GAPVD1: variants seen among roughly 807,000 people sequenced by gnomAD.
GAPVD1 encodes GTPase-activating protein and VPS9 domain-containing protein 1.
GAPVD1 carries 35 observed loss-of-function variants against 155.5 expected under a neutral mutation model. The ratio of observed to expected loss-of-function variants is 0.23; its 90% confidence interval spans 0.17 to 0.30. The LOEUF (loss-of-function observed/expected upper bound fraction) is 0.30. Among genes scored for constraint, GAPVD1 ranks in the 10% least tolerant of loss-of-function variants. The pLI, the probability that GAPVD1 is intolerant of heterozygous loss-of-function variation, is 1.00. For synonymous variants in GAPVD1, 636 were observed against 619.7 expected, an observed-to-expected ratio of 1.03 and a Z score of -0.39; for missense variants, 1,429 against 1,775.7, an observed-to-expected ratio of 0.80 and a Z score of 3.51.
Position 125,321,556 on chromosome 9 carries a change from T to G in GAPVD1, c.1726T>G (p.Ser576Ala). The change falls in exon 10 of 28, where the codon TCT becomes GCT. Residue 576 changes from serine to alanine, a missense_variant. This residue lies in a region of GAPVD1 where 628 missense variants were observed against 733.4 expected (regional missense o/e 0.86). Coordinates refer to ENST00000297933, the MANE Select transcript of GAPVD1 (RefSeq NM_001282680.3). The stretch of plus-strand genomic sequence containing the variant: ...CTGCAGTGATAATCTGGAAGGAATA[T>G]CTGAAGGTGAAGGGTTACTTCATTC... ...SLCSDNLEGI[S>A]EGPSNRSNSV... 6.2e-7 allele frequency: 1 copy of G among 1,613,218 alleles called. No individual in the cohort carries two copies. The highest frequency in any genetic ancestry group is 8.5e-7 in the Non-Finnish European group (1 of 1,179,670).
intron 9 of GAPVD1, among the ~76,000 whole-genome samples, chr9:125,315,507 T>C (rs1333437289): frequency 1.3e-5 from 2 of 152,134 alleles, no homozygotes; most frequent in Non-Finnish European, 2.9e-5. Context: ...TGGACCTTAT[T>C]CTGAAAGCAG....
rs773295739 is a variant in GAPVD1, at chr9:125,302,541, A to C, written c.744A>C (p.Gln248His). The change falls in exon 5 of 28, where the codon CAA becomes CAC. Residue 248 changes from glutamine to histidine, a missense_variant. Physicochemically the swap from Gln to His is conservative, Grantham distance 24 (BLOSUM62 0). Transcript: ENST00000297933. ...CAGATAGATTCAGGCAAAAAGTTCA[A>C]GAAATGGTGGAGTCCAATGAAGCAA... The part of the protein sequence containing the change: ...KGSDRFRQKV[Q>H]EMVESNEAKL... The C allele has an allele frequency of 1.2e-6, 2 of 1,613,862 alleles. No homozygotes were observed. The highest frequency in any genetic ancestry group is 2.2e-5 in the East Asian group (1 of 44,896).
Position 125,367,140 on chromosome 9 carries a change from A to G in GAPVD1, c.*4394A>G, listed in dbSNP as rs1851509314. On this transcript the variant is annotated 3_prime_UTR_variant, in exon 28 of 28. Transcript: ENST00000297933. Reference sequence around the variant, plus strand: ...GTACAGGAAACCCCTCCTGTCTCCTAATGTGATTAGTACTGTAAAATATTC... The same window carrying G: ...GTACAGGAAACCCCTCCTGTCTCCTGATGTGATTAGTACTGTAAAATATTC... 6.6e-6 allele frequency: 1 copy of G among 152,214 alleles called. No individual in the cohort carries two copies. Among genetic ancestry groups the G allele is most frequent in the African/African-American group, 2.4e-5 (1 of 41,446 alleles). 9.4% of individuals were successfully genotyped at this position (152,214 alleles called of 1,614,324 possible). A position where few individuals can be genotyped will look rare whatever the true frequency, so the allele number is the denominator to read the frequency against.
At chr9:125,357,533 C>T (rs941417516) in intron 25 of GAPVD1, among the ~76,000 whole-genome samples, 4 of 151,840 alleles carry the variant, frequency 2.6e-5, no homozygotes, top group Admixed American at 1.3e-4. Flanking sequence ...GAGCTGAGAT[C>T]GCGCCACTGC....
chr9:125,289,161 T>C (rs1261151464), intron 2 of GAPVD1, among the ~76,000 whole-genome samples: 3 of 152,192 alleles, frequency 2.0e-5, no homozygotes, highest in Middle Eastern at 3.4e-3. Context: ...AGTCCAGATA[T>C]TGAGTGATGA....
intron 25 of GAPVD1, 40 bp downstream of exon 25, chr9:125,355,897 AGGG>A: frequency 9.0e-7 from 1 of 1,113,418 alleles, no homozygotes; most frequent in South Asian, 1.2e-5. Flanking sequence ...GGAACTACAT[AGGG>A]ATCTACCAGG....
In GAPVD1 at chr9:125,352,388, C is replaced by A. The variant is rs1184198526; in HGVS notation, c.3569+1516C>A. 6.6e-4 allele frequency among the ~76,000 whole-genome samples: 101 copies of A among 152,218 alleles called. 1 individual carries two copies. The highest frequency in any genetic ancestry group is 1.9e-4 in the Non-Finnish European group (13 of 68,030). On this transcript the variant is annotated intron_variant, in intron 23 of 27. Transcript: ENST00000297933. ...TGAAATCTAGGTGGAGGTTCCCAAA[C>A]CCCATTCTTGACTTCTGTGCACCCA... is the stretch of plus-strand genomic sequence containing the variant.
At chr9:125,285,867 G>A (rs1837608931) in intron 2 of GAPVD1, among the ~76,000 whole-genome samples, 1 of 152,062 alleles carries the variant, frequency 6.6e-6, no homozygotes, top group Non-Finnish European at 1.5e-5. Flanking sequence ...GGAGTGCAGT[G>A]GCTCAGTCTT....
At chr9:125,354,439 G>C (rs1459648094) in intron 23 of GAPVD1, among the ~76,000 whole-genome samples, 1 of 152,170 alleles carries the variant, frequency 6.6e-6, no homozygotes, top group Non-Finnish European at 1.5e-5. Flanking sequence ...TGCAAAATGG[G>C]TGTCTGTTCT....
chr9:125,301,905 A>G, intron 4 of GAPVD1, 78 bp from the exon 5 acceptor site: 2 of 1,147,474 alleles, frequency 1.7e-6, no homozygotes, highest in Non-Finnish European at 2.4e-6. Context: ...TCACATATCC[A>G]TGTTTGGATA....
intron 2 of GAPVD1, among the ~76,000 whole-genome samples, chr9:125,282,672 C>T (rs901514134): frequency 6.6e-6 from 1 of 152,066 alleles, no homozygotes; most frequent in African/African-American, 2.4e-5. Flanking sequence ...ATAATGATAT[C>T]CTACACTCTG....
At chr9:125,338,890 A>G (rs550154933) in intron 17 of GAPVD1, among the ~76,000 whole-genome samples, 3 of 151,440 alleles carry the variant, frequency 2.0e-5, no homozygotes, top group Non-Finnish European at 4.4e-5. Flanking sequence ...CCTACTTATT[A>G]TATCTGTGGT....
intron 3 of GAPVD1, among the ~76,000 whole-genome samples, chr9:125,295,880 C>A (rs192745627): frequency 7.2e-5 from 11 of 152,124 alleles, no homozygotes; most frequent in Admixed American, 3.9e-4. Context: ...AGGTTGTGAG[C>A]TCCTTGAGAT....
chr9:125,329,097 T>TGAGAGGGAGACCGTGGGGAGAGG, intron 12 of GAPVD1, among the ~76,000 whole-genome samples: 2 of 151,784 alleles, frequency 1.3e-5, no homozygotes, highest in Non-Finnish European at 1.5e-5. Context: ...CGGCTCCGCA[T>TGAGAGGGAGACCGTGGGGAGAGG]GAGAGGGAGA....
intron 5 of GAPVD1, among the ~76,000 whole-genome samples, chr9:125,304,760 TGAAAA>T (rs1388565197): frequency 6.6e-6 from 1 of 152,180 alleles, no homozygotes; most frequent in Non-Finnish European, 1.5e-5. Flanking sequence ...TCTAAACAAA[TGAAAA>T]GTACAATGTC....
chr9:125,278,640 G>T (rs564298806), intron 2 of GAPVD1, among the ~76,000 whole-genome samples: 2 of 152,190 alleles, frequency 1.3e-5, no homozygotes, highest in East Asian at 3.9e-4. Flanking sequence ...TTCGAGACCA[G>T]TCTGGGCAAT....
At position 125,300,023 on chromosome 9, in the gene GAPVD1, G is replaced by GAAAAAA. The variant is rs1175810085; in HGVS notation, c.185+928_185+933dup. 4.5e-3 allele frequency among the ~76,000 whole-genome samples: 3 copies of GAAAAAA among 666 alleles called. 1 individual carries two copies. The highest frequency in any genetic ancestry group is 6.6e-3 in the African/African-American group (3 of 452). The allele number at this position is 666 out of a possible 152,430, so 0.4% of individuals were successfully genotyped here. Reference sequence around the variant, plus strand: ...GACAGAGTGAGACTCTGTCTCAAAAGAAAAAAAAAAAAAAAATATATATAT... The same window carrying GAAAAAA: ...GACAGAGTGAGACTCTGTCTCAAAAGAAAAAAAAAAAAAAAAAAAAAATATATATAT... On this transcript the variant is annotated intron_variant, in intron 4 of 27. Coordinates refer to ENST00000297933, the MANE Select transcript of GAPVD1 (RefSeq NM_001282680.3).
Position 125,323,907 on chromosome 9 carries a change from G to T in GAPVD1, c.1842G>T (p.Leu614=), listed in dbSNP as rs1198970893. ...GTAATGGAGTTGAAGCTCTACAGCTGTTAGAACATGAGCAAGGTAAAGTGA... is the reference window on the plus strand; with the variant it reads ...GTAATGGAGTTGAAGCTCTACAGCTTTTAGAACATGAGCAAGGTAAAGTGA... The part of the protein sequence containing the change: ...SGSNGVEALQ[L]LEHEQATTQD... Residue 614 remains leucine, a synonymous_variant, in exon 11 of 28, where the codon CTG becomes CTT. Transcript: ENST00000297933. 5.0e-6 allele frequency: 8 copies of T among 1,613,526 alleles called. No individual in the cohort carries two copies. In the East Asian group the frequency reaches 1.6e-4, roughly 31 times the overall value.
chr9:125,274,333 T>TA (rs1310139739), intron 2 of GAPVD1, among the ~76,000 whole-genome samples: 10 of 151,780 alleles, frequency 6.6e-5, no homozygotes, highest in African/African-American at 1.2e-4. Context: ...TTTGTTTTTT[T>TA]AAAAAAAACT....
Sources: gnomAD v4.1 joint callset for allele counts (sites outside exome capture counted in the v4.1 genomes callset) on GRCh38, gnomAD v4.1.1 for gene constraint, gnomAD v4.1.1 regional missense constraint, MANE v1.5 for transcripts, NCBI Gene and HGNC (gene_info 2026-07-23, HGNC 2026-07-21) for gene names.